PRR5: variants seen among roughly 807,000 people sequenced by gnomAD.
PRR5 encodes proline rich 5.
Under a neutral mutation model 30.6 loss-of-function variants are expected in PRR5, and 25 were observed. That is an observed-to-expected ratio of 0.82 (90% CI 0.60 to 1.14). The LOEUF (loss-of-function observed/expected upper bound fraction) is 1.14, where lower values mean the gene tolerates loss of function less well. Ranked by LOEUF, PRR5 falls within the 50% of genes most tolerant of loss-of-function variation. The pLI is 0.00. For missense variants in PRR5, 600 were observed against 547.1 expected, an observed-to-expected ratio of 1.10 and a Z score of -0.96; for synonymous variants, 286 against 247.1, an observed-to-expected ratio of 1.16 and a Z score of -1.48.
chr22:44,725,670 T>TGTG (rs1011516455), intron 3 of PRR5, among the ~76,000 whole-genome samples: 12 of 151,504 alleles, frequency 7.9e-5, no homozygotes, highest in African/African-American at 2.9e-4. Flanking sequence ...TTGTTGTTGT[T>TGTG]GTTGTTGTTG....
intron 4 of PRR5, chr22:44,730,713 C>A (rs1016997995): frequency 1.0e-6 from 1 of 959,574 alleles, no homozygotes; most frequent in Non-Finnish European, 1.3e-6. Context: ...CCTGCCTGAC[C>A]CTCTGCACCC....
At chr22:44,735,345 G>T (rs901092311) in intron 7 of PRR5, among the ~76,000 whole-genome samples, 183 bp downstream of exon 7, 1 of 152,240 alleles carries the variant, frequency 6.6e-6, no homozygotes, top group African/African-American at 2.4e-5. Flanking sequence ...GTGAGAGTGG[G>T]CACACACCCT....
chr22:44,732,924 GCACGCACATACTACACACGTGTGCA>G (rs1569111958), intron 6 of PRR5, among the ~76,000 whole-genome samples: 1 of 143,522 alleles, frequency 7.0e-6, no homozygotes, highest in Non-Finnish European at 1.5e-5. Context: ...ACACACGTGC[GCACGCACATACTACACACGTGTGCA>G]CACATACGCG....
chr22:44,676,610 G>A (rs1354998717), upstream of PRR5, among the ~76,000 whole-genome samples: 1 of 151,946 alleles, frequency 6.6e-6, no homozygotes, highest in Admixed American at 6.6e-5. Context: ...GGTGTTCTAG[G>A]CGGGGTGAAG....
chr22:44,723,688 C>T (rs1602062531), intron 2 of PRR5, among the ~76,000 whole-genome samples: 2 of 152,126 alleles, frequency 1.3e-5, no homozygotes, highest in Non-Finnish European at 2.9e-5. Flanking sequence ...CCACTGCACT[C>T]CAGCCTGGGT....
In PRR5 at chr22:44,685,205, G is replaced by T. The variant is rs190571022; in HGVS notation, c.-11+7965G>T. 1.1e-4 allele frequency among the ~76,000 whole-genome samples: 16 copies of T among 152,238 alleles called. No individual in the cohort carries two copies. The East Asian group carries it at 2.7e-3, about 26-fold the overall frequency. On this transcript the variant is annotated intron_variant, in intron 1 of 8. Coordinates refer to the PRR5 transcript ENST00000006251. ...GTACGCAGTGCCAGCACCCAGTAGG[G>T]CCTCCGTGAGTGAGCATGTGTCCTT...
intron 4 of PRR5, among the ~76,000 whole-genome samples, chr22:44,729,101 C>T (rs11914016): frequency 0.026 from 3,964 of 152,272 alleles, 163 homozygotes; most frequent in African/African-American, 0.088. Flanking sequence ...CTGGGATCTG[C>T]CGTCGCTCAT....
intron 4 of PRR5, chr22:44,729,929 TTG>T: frequency 1.0e-6 from 1 of 985,448 alleles, no homozygotes; most frequent in Non-Finnish European, 1.2e-6. Context: ...TGAAGGGACT[TTG>T]TGTGTGGGCA....
intron 1 of PRR5, among the ~76,000 whole-genome samples, chr22:44,682,413 G>A (rs1250675869): frequency 2.6e-5 from 4 of 152,210 alleles, no homozygotes; most frequent in Admixed American, 6.5e-5. Context: ...ACCTTCCACC[G>A]TGGCTGTCAG....
At chr22:44,678,007 C>T (rs1923916448) in intron 1 of PRR5, among the ~76,000 whole-genome samples, 2 of 152,078 alleles carry the variant, frequency 1.3e-5, no homozygotes, top group African/African-American at 2.4e-5. Flanking sequence ...CAAGGACCAG[C>T]TGGTTTTAAG....
intron 1 of PRR5, among the ~76,000 whole-genome samples, chr22:44,669,499 A>G (rs1212839844): frequency 6.6e-6 from 1 of 152,040 alleles, no homozygotes; most frequent in Non-Finnish European, 1.5e-5. Context: ...AGACACCCTC[A>G]CCATCCCTTG....
intron 1 of PRR5, among the ~76,000 whole-genome samples, chr22:44,709,811 C>T (rs987445108): frequency 5.9e-5 from 9 of 152,094 alleles, no homozygotes; most frequent in South Asian, 4.2e-4. Flanking sequence ...GAGATTGCAC[C>T]GCTGCACTCC....
At chr22:44,707,645 G>A (rs1927443569) in intron 1 of PRR5, among the ~76,000 whole-genome samples, 1 of 152,238 alleles carries the variant, frequency 6.6e-6, no homozygotes, top group South Asian at 2.1e-4. Context: ...GCACGTGGGG[G>A]TACCAAGCCC....
upstream of PRR5, among the ~76,000 whole-genome samples, chr22:44,672,407 A>C (rs1923475364): frequency 6.6e-6 from 1 of 152,108 alleles, no homozygotes; most frequent in Non-Finnish European, 1.5e-5. Context: ...CAGCATGGTG[A>C]AACCCCATCT....
intron 1 of PRR5, among the ~76,000 whole-genome samples, chr22:44,706,716 T>A (rs1927261029): frequency 6.6e-6 from 1 of 151,738 alleles, no homozygotes; most frequent in Non-Finnish European, 1.5e-5. Flanking sequence ...TTGGTGGAGA[T>A]AGGGTTTCGC....
intron 1 of PRR5, among the ~76,000 whole-genome samples, chr22:44,683,713 T>C (rs1924491076): frequency 6.6e-6 from 1 of 152,212 alleles, no homozygotes; most frequent in Admixed American, 6.5e-5. Flanking sequence ...ATCCAGTCCC[T>C]CTGGGGTCCC....
rs532389369 is a variant in PRR5 at position 44,688,860 on chromosome 22, C to T, written c.-11+11620C>T. Among the ~76,000 whole-genome samples, 18 of 152,140 alleles carry T rather than the reference C, an allele frequency of 1.2e-4. No homozygotes were observed. In the South Asian group the frequency reaches 2.9e-3, roughly 25 times the overall value. ...AAAATTAGCCGGGCATGGTGGTGCA[C>T]GCCTGTGATCCCAGCTACTCGGGAG... On this transcript the variant is annotated intron_variant, in intron 1 of 8. Transcript: ENST00000006251.
intron 2 of PRR5, among the ~76,000 whole-genome samples, chr22:44,720,426 T>A (rs1435030203): frequency 6.6e-6 from 1 of 152,178 alleles, no homozygotes; most frequent in Admixed American, 6.5e-5. Flanking sequence ...AGTCTCCCCA[T>A]CTCTGGAGTG....
In PRR5 at chr22:44,689,793, C is replaced by T. The variant is rs547724272; in HGVS notation, c.-11+12553C>T. On this transcript the variant is annotated intron_variant, in intron 1 of 8. Transcript: ENST00000006251. ...CCTTCCGAGTAGCTGGGACTACAGG[C>T]GCCCGCCACCACGCCTGGCTAATTT... Among the ~76,000 whole-genome samples, 200 of 152,290 alleles carry T rather than the reference C, an allele frequency of 1.3e-3. 1 individual carries two copies. The highest frequency in any genetic ancestry group is 4.1e-3 in the Admixed American group (62 of 15,300).
Sources: gnomAD v4.1 joint callset for allele counts (sites outside exome capture counted in the v4.1 genomes callset) on GRCh38, gnomAD v4.1.1 for gene constraint, MANE v1.5 for transcripts, NCBI Gene and HGNC (gene_info 2026-07-23, HGNC 2026-07-21) for gene names.